Variants in GALNT13 observed in about 807,000 individuals in gnomAD.
The protein encoded by GALNT13 is UDP-GalNAc:polypeptide N-acetylgalactosaminyltransferase 13.
GALNT13 carries 28 observed loss-of-function variants against 64.2 expected under a neutral mutation model. The observed-to-expected ratio is 0.44, with a 90% CI of 0.32 to 0.60. GALNT13 has a LOEUF of 0.60. GALNT13 is among the 20% of genes least tolerant of loss of function. The pLI, the probability that GALNT13 is intolerant of heterozygous loss-of-function variation, is 0.05. For synonymous variants in GALNT13, 214 were observed against 224.6 expected, an observed-to-expected ratio of 0.95 and a Z score of 0.42; for missense variants, 577 against 669.8, an observed-to-expected ratio of 0.86 and a Z score of 1.53.
At chr2:153,910,929 C>G (rs1688896240) in intron 2 of GALNT13, among the ~76,000 whole-genome samples, 1 of 152,162 alleles carries the variant, frequency 6.6e-6, no homozygotes, top group Admixed American at 6.6e-5. Context: ...CTATAGGTAT[C>G]TATCAGGTCC....
intron 3 of GALNT13, among the ~76,000 whole-genome samples, chr2:154,037,520 A>G (rs1698730284): frequency 6.6e-6 from 1 of 152,108 alleles, no homozygotes; most frequent in South Asian, 2.1e-4. Flanking sequence ...CACTTAGGCA[A>G]CAGAAAGAAA....
the GALNT13 span, among the ~76,000 whole-genome samples, chr2:153,649,719 T>G: frequency 6.6e-6 from 1 of 152,222 alleles, no homozygotes; most frequent in South Asian, 2.1e-4. Context: ...CATTTCATTA[T>G]GTACCCAGTA....
chr2:153,166,716 G>A, the GALNT13 span, among the ~76,000 whole-genome samples: 3 of 148,794 alleles, frequency 2.0e-5, no homozygotes. Context: ...TCTCTGGGAT[G>A]TTTGGGTTCT....
intron 3 of GALNT13, among the ~76,000 whole-genome samples, chr2:153,953,372 C>T (rs2105407917): frequency 6.6e-6 from 1 of 152,118 alleles, no homozygotes; most frequent in East Asian, 1.9e-4. Context: ...AAATTATTTA[C>T]AAGTGCTACA....
intron 11 of GALNT13, among the ~76,000 whole-genome samples, chr2:154,413,526 C>A (rs1231477223): frequency 6.6e-6 from 1 of 151,984 alleles, no homozygotes; most frequent in African/African-American, 2.4e-5. Context: ...CTATGATATA[C>A]AAAACCCCTC....
chr2:153,355,224 C>G, the GALNT13 span, among the ~76,000 whole-genome samples: 1 of 152,106 alleles, frequency 6.6e-6, no homozygotes, highest in African/African-American at 2.4e-5. Flanking sequence ...CAAATGTTTT[C>G]TTTCTTAACA....
chr2:153,319,212 C>T, the GALNT13 span, among the ~76,000 whole-genome samples: 2 of 152,110 alleles, frequency 1.3e-5, no homozygotes, highest in Non-Finnish European at 2.9e-5. Context: ...TATTGTAGGG[C>T]GAAACCATGC....
intron 8 of GALNT13, 86 bp downstream of exon 8, chr2:154,259,224 C>A: frequency 1.3e-6 from 1 of 774,336 alleles, no homozygotes; most frequent in Non-Finnish European, 2.2e-6. Flanking sequence ...ACTGTCAAAT[C>A]ATTTTTGCTG....
the GALNT13 span, among the ~76,000 whole-genome samples, chr2:153,123,803 G>C: frequency 6.6e-6 from 1 of 152,058 alleles, no homozygotes; most frequent in African/African-American, 2.4e-5. Context: ...ATTTTTTCCA[G>C]AAAAAGATTG....
At chr2:153,411,781 C>T in the GALNT13 span, among the ~76,000 whole-genome samples, 1 of 152,228 alleles carries the variant, frequency 6.6e-6, no homozygotes, top group Non-Finnish European at 1.5e-5. Context: ...AATGCTTTTG[C>T]CTCTCCAAAA....
At chr2:153,070,227 T>C in the GALNT13 span, among the ~76,000 whole-genome samples, 2,488 of 152,264 alleles carry the variant, frequency 0.016, 74 homozygotes, top group African/African-American at 0.057. Context: ...GGCTACGTAC[T>C]ATAAGATTCC....
upstream of GALNT13, among the ~76,000 whole-genome samples, chr2:153,871,136 T>C (rs1685899236): frequency 6.6e-6 from 1 of 152,184 alleles, no homozygotes. Flanking sequence ...GGGGTATTGG[T>C]ACAACACATT....
the GALNT13 span, among the ~76,000 whole-genome samples, chr2:153,418,988 C>G: frequency 6.6e-6 from 1 of 152,110 alleles, no homozygotes; most frequent in Non-Finnish European, 1.5e-5. Flanking sequence ...TCTCTTATCT[C>G]CATACCATAG....
At chr2:153,264,558 C>A in the GALNT13 span, among the ~76,000 whole-genome samples, 1 of 152,102 alleles carries the variant, frequency 6.6e-6, no homozygotes, top group African/African-American at 2.4e-5. Flanking sequence ...CAATGATAGA[C>A]TGGATAAAAG....
intron 2 of GALNT13, among the ~76,000 whole-genome samples, chr2:153,919,610 C>T (rs949924038): frequency 6.6e-6 from 1 of 151,812 alleles, no homozygotes; most frequent in Non-Finnish European, 1.5e-5. Flanking sequence ...GGGTTGGGAG[C>T]ATATTATGTA....
chr2:154,297,032 A>G (rs760375036), intron 8 of GALNT13, among the ~76,000 whole-genome samples: 12 of 152,170 alleles, frequency 7.9e-5, no homozygotes, highest in Non-Finnish European at 1.2e-4. Flanking sequence ...GGTATGTGGT[A>G]TGTTATTCTA....
chr2:154,145,051 T>TCTCTCTCC, intron 4 of GALNT13, among the ~76,000 whole-genome samples: 1 of 88,206 alleles, frequency 1.1e-5, no homozygotes, highest in East Asian at 9.5e-4. Context: ...TATGTAGTTC[T>TCTCTCTCC]CTCTCTCTCT....
At chr2:153,884,766 AATAT>A (rs372541314) in intron 1 of GALNT13, among the ~76,000 whole-genome samples, 14 of 116,362 alleles carry the variant, frequency 1.2e-4, no homozygotes, top group East Asian at 2.7e-4. Context: ...TAAAAATACG[AATAT>A]ATATATATAT....
At chr2:153,589,833 C>T in the GALNT13 span, among the ~76,000 whole-genome samples, 2 of 152,170 alleles carry the variant, frequency 1.3e-5, no homozygotes, top group African/African-American at 4.8e-5. Context: ...GATCCTCCCA[C>T]ACAATACATG....
Sources: allele counts gnomAD v4.1 joint callset (sites outside exome capture counted in the v4.1 genomes callset), GRCh38; gene constraint gnomAD v4.1.1; transcripts MANE v1.5; gene names NCBI Gene and HGNC (gene_info 2026-07-23, HGNC 2026-07-21).